METTL23: variants seen among roughly 807,000 people sequenced by gnomAD.
METTL23 encodes the protein methyltransferase 23, arginine, also known as histone-arginine methyltransferase METTL23.
In METTL23, 24 loss-of-function variants were observed where a neutral mutation model predicts 21.2. That is an observed-to-expected ratio of 1.13 (90% CI 0.82 to 1.59). The LOEUF (loss-of-function observed/expected upper bound fraction) is 1.59. METTL23 is among the 40% of genes most tolerant of loss of function. METTL23 has a pLI of 0.00. For synonymous variants in METTL23, 97 were observed against 75.2 expected (o/e 1.29, Z -1.50); for missense variants, 276 against 221.4 (o/e 1.25, Z -1.57).
Position 76,733,660 on chromosome 17 carries a change from A to G in METTL23, c.547A>G (p.Ile183Val), listed in dbSNP as rs1410635202. 1 of 1,613,538 alleles carries G rather than the reference A, an allele frequency of 6.2e-7. No individual in the cohort carries two copies. Among genetic ancestry groups the G allele is most frequent in the Non-Finnish European group, 8.5e-7 (1 of 1,179,796 alleles). Residue 183 changes from isoleucine to valine, a missense_variant, in exon 5 of 5, where the codon ATT (isoleucine) becomes GTT (valine). By Grantham distance (29) the Ile-to-Val change is conservative. Coordinates refer to ENST00000341249, the MANE Select transcript of METTL23 (RefSeq NM_001080510.5). ...PGRHTVEMLV[I>V]SFAKDSL is the part of the protein sequence containing the mutation. ...AAGACATACAGTTGAAATGCTGGTC[A>G]TTTCCTTTGCAAAGGACAGTCTCTG...
rs146410056 is a variant in METTL23 at position 76,732,373 on chromosome 17, C to T, written c.85-605C>T. ...AAAATTAGCTGGGCTTGGTGGTGCA[C>T]GCCTGTAATCCCAGCTACTTGGGAG... On this transcript the variant is annotated intron_variant, in intron 2 of 4. Coordinates refer to ENST00000341249, the MANE Select transcript of METTL23 (RefSeq NM_001080510.5). 9.3e-3 allele frequency among the ~76,000 whole-genome samples: 1,419 copies of T among 151,954 alleles called. 20 individuals are homozygous for T. Among genetic ancestry groups the T allele is most frequent in the African/African-American group, 0.032 (1,310 of 41,424 alleles).
chr17:76,726,606 T>A, upstream of METTL23: 3 of 1,265,674 alleles, frequency 2.4e-6, no homozygotes, highest in Non-Finnish European at 3.2e-6. Context: ...CCGGCGCCTT[T>A]AAAGTCGCCT....
chr17:76,732,831 TCA>T lies in METTL23; in HGVS notation c.85-146_85-145del, dbSNP rs201763829. On this transcript the variant is annotated intron_variant, in intron 2 of 4. Coordinates refer to ENST00000341249, the MANE Select transcript of METTL23 (RefSeq NM_001080510.5). Reference sequence around the variant, plus strand: ...ACTTTTGTCATGTTTATAGTAATGTTCAGTTACGGTACATTTTATACAAACCC... The same window carrying T: ...ACTTTTGTCATGTTTATAGTAATGTTGTTACGGTACATTTTATACAAACCC... The T allele has an allele frequency of 4.8e-4, 318 of 664,612 alleles. 2 individuals carry two copies. Among genetic ancestry groups the T allele is most frequent in the African/African-American group, 4.5e-3 (250 of 55,288 alleles). 41.2% of individuals were successfully genotyped at this position (664,612 alleles called of 1,614,324 possible). A position where few individuals can be genotyped will look rare whatever the true frequency, so the allele number is the denominator to read the frequency against.
Position 76,726,859 on chromosome 17 carries a change from C to T in METTL23, c.-341C>T, listed in dbSNP as rs574736876. On this transcript the variant is annotated 5_prime_UTR_variant, in exon 1 of 5. Transcript: ENST00000341249. ...CCATCACTTCCGGTCGCGCCAGCCG[C>T]CCGTTGCCAGTTCTGCGCGTGTGAG... 811 of 441,398 alleles carry T rather than the reference C, an allele frequency of 1.8e-3. 1 individual carries two copies. Among genetic ancestry groups the T allele is most frequent in the Non-Finnish European group, 2.6e-3 (555 of 214,208 alleles). 27.3% of individuals were successfully genotyped at this position (441,398 alleles called of 1,614,324 possible). A position where few individuals can be genotyped will look rare whatever the true frequency, so the allele number is the denominator to read the frequency against.
chr17:76,733,267 T>C (rs769115150), intron 3 of METTL23, 26 bp from the exon 4 acceptor site: 1 of 1,612,720 alleles, frequency 6.2e-7, no homozygotes, highest in Admixed American at 1.7e-5. Context: ...TATATGAAAA[T>C]CTATTCATAA....
intron 2 of METTL23, among the ~76,000 whole-genome samples, chr17:76,731,569 TTC>T (rs1220432571): frequency 2.0e-5 from 3 of 152,354 alleles, no homozygotes; most frequent in Admixed American, 6.5e-5. Flanking sequence ...GTGTAGCCCT[TTC>T]TGTTTTTGGA....
intron 1 of METTL23, chr17:76,727,442 C>T (rs1044942984): frequency 4.6e-6 from 1 of 217,536 alleles, no homozygotes; most frequent in Non-Finnish European, 9.6e-6. Context: ...TTAAGTGATC[C>T]TCCTGCCTCG....
chr17:76,730,211 C>A (rs1436818641), intron 2 of METTL23, among the ~76,000 whole-genome samples: 6 of 151,880 alleles, frequency 4.0e-5, no homozygotes, highest in African/African-American at 1.5e-4. Context: ...ATTGCTTGAA[C>A]CCTGGAGGCG....
In METTL23 at chr17:76,733,837, CTT is replaced by C. The variant is rs1008330604; in HGVS notation, c.*152_*153del. On this transcript the variant is annotated 3_prime_UTR_variant, in exon 5 of 5. Coordinates refer to ENST00000341249, the MANE Select transcript of METTL23 (RefSeq NM_001080510.5). ...AGATTTTGATGTCACCTAGACAACACTTAAACTCATATGAAACAAAAATTAAA... is the reference window on the plus strand; with the variant it reads ...AGATTTTGATGTCACCTAGACAACACAAACTCATATGAAACAAAAATTAAA... 1.8e-6 allele frequency: 1 copy of C among 560,944 alleles called. No individual in the cohort carries two copies. The highest frequency in any genetic ancestry group is 3.7e-5 in the Admixed American group (1 of 27,340). The allele number at this position is 560,944 out of a possible 1,614,324, so 34.7% of individuals were successfully genotyped here.
In METTL23 at chr17:76,733,232, C is replaced by T. The variant is rs746038904; in HGVS notation, c.322+17C>T. ...AACCAGAAGGTAAGCTTTTTTGGCT[C>T]AATAGTACATTTGGCCAGTGATGCT... is the stretch of plus-strand genomic sequence containing the variant. On this transcript the variant is annotated intron_variant, in intron 3 of 4. Transcript: ENST00000341249. 11 of 1,611,974 alleles carry T rather than the reference C, an allele frequency of 6.8e-6. No homozygotes were observed. In the Admixed American group the frequency reaches 1.7e-4, roughly 24 times the overall value.
rs773066926 is a variant in METTL23, at chr17:76,733,354, G to A, written c.384G>A (p.Leu128=). The part of the protein sequence containing the change: ...FLMHKNPKVQ[L]WSTYQVRSAD... ...TGCACAAGAATCCCAAGGTCCAATT[G>A]TGGTCTACTTATCAAGTTAGGAGGC... The change falls in exon 4 of 5, where the codon TTG becomes TTA. Residue 128 remains leucine (L), a synonymous_variant. Transcript: ENST00000341249. The A allele has an allele frequency of 6.2e-7, 1 of 1,613,804 alleles. No individual in the cohort carries two copies. Among genetic ancestry groups the A allele is most frequent in the South Asian group, 1.1e-5 (1 of 91,080 alleles).
At chr17:76,726,363 C>A (rs770304859), upstream of METTL23, 21 of 1,593,224 alleles carry the variant, frequency 1.3e-5, no homozygotes, top group Non-Finnish European at 1.7e-5. Context: ...GGCCGCCGGG[C>A]TCAGCGAGAA....
In METTL23 at chr17:76,733,727, T is replaced by G. The variant is rs1273724081; in HGVS notation, c.*41T>G. 8 of 1,555,168 alleles carry G rather than the reference T, an allele frequency of 5.1e-6. No individual in the cohort carries two copies. Among genetic ancestry groups the G allele is most frequent in the Non-Finnish European group, 6.1e-6 (7 of 1,146,718 alleles). ...TGTTCTGGGACAGTATCAATACTGATGAGCAACCTGGCACACAAACTATGA... is the reference window on the plus strand; with the variant it reads ...TGTTCTGGGACAGTATCAATACTGAGGAGCAACCTGGCACACAAACTATGA... On this transcript the variant is annotated 3_prime_UTR_variant, in exon 5 of 5. Coordinates refer to ENST00000341249, the MANE Select transcript of METTL23 (RefSeq NM_001080510.5).
Position 76,733,161 on chromosome 17 carries a change from G to A in METTL23, c.268G>A (p.Ala90Thr), listed in dbSNP as rs778990590. Reference sequence around the variant, plus strand: ...GGGTCATATATCTTGGGATCTTCTGGCTCTACCACCACAAGATATTATCCT... The same window carrying A: ...GGGTCATATATCTTGGGATCTTCTGACTCTACCACCACAAGATATTATCCT... ...TWGHISWDLL[A>T]LPPQDIILAS... is the part of the protein sequence containing the mutation. The change falls in exon 3 of 5, where the codon GCT (alanine) becomes ACT (threonine). Residue 90 changes from alanine to threonine, a missense_variant. By Grantham distance (58) the Ala-to-Thr change is moderately conservative. Transcript: ENST00000341249. The A allele has an allele frequency of 6.2e-6, 10 of 1,613,886 alleles. No homozygotes were observed. In the South Asian group the frequency reaches 8.8e-5, roughly 14 times the overall value.
At chr17:76,731,809 C>T (rs557972972) in intron 2 of METTL23, among the ~76,000 whole-genome samples, 14 of 152,308 alleles carry the variant, frequency 9.2e-5, no homozygotes, top group Admixed American at 3.3e-4. Context: ...GGATTTGGCA[C>T]ACACCTCTGG....
Position 76,726,851 on chromosome 17 carries a change from G to T in METTL23, c.-349G>T, listed in dbSNP as rs1032066114. On this transcript the variant is annotated 5_prime_UTR_variant, in exon 1 of 5. Coordinates refer to ENST00000341249, the MANE Select transcript of METTL23 (RefSeq NM_001080510.5). ...CGCTGTGCCCATCACTTCCGGTCGCGCCAGCCGCCCGTTGCCAGTTCTGCG... is the reference window on the plus strand; with the variant it reads ...CGCTGTGCCCATCACTTCCGGTCGCTCCAGCCGCCCGTTGCCAGTTCTGCG... The T allele has an allele frequency of 1.2e-5, 5 of 429,562 alleles. No individual in the cohort carries two copies. The highest frequency in any genetic ancestry group is 6.3e-5 in the African/African-American group (3 of 47,898). The allele number at this position is 429,562 out of a possible 1,614,324, so 26.6% of individuals were successfully genotyped here.
chr17:76,732,302 C>T (rs140164768), intron 2 of METTL23, among the ~76,000 whole-genome samples: 1 of 152,110 alleles, frequency 6.6e-6, no homozygotes, highest in African/African-American at 2.4e-5. Context: ...GAGTTCAAGA[C>T]CAGCCTGACC....
At position 76,733,656 on chromosome 17, in the gene METTL23, G is replaced by C; in HGVS notation, c.543G>C (p.Leu181=). 1.9e-6 allele frequency: 3 copies of C among 1,613,458 alleles called. No homozygotes were observed. The highest frequency in any genetic ancestry group is 2.5e-6 in the Non-Finnish European group (3 of 1,179,710). ...CAGGAAGACATACAGTTGAAATGCTGGTCATTTCCTTTGCAAAGGACAGTC... is the reference window on the plus strand; with the variant it reads ...CAGGAAGACATACAGTTGAAATGCTCGTCATTTCCTTTGCAAAGGACAGTC... ...TLPGRHTVEM[L]VISFAKDSL is the part of the protein sequence containing the mutation. Residue 181 remains leucine, a synonymous_variant, in exon 5 of 5, where the codon CTG becomes CTC. Transcript: ENST00000341249.
intron 4 of METTL23, 51 bp downstream of exon 4, chr17:76,733,428 C>T (rs913542237): frequency 3.7e-6 from 6 of 1,600,548 alleles, no homozygotes; most frequent in South Asian, 2.2e-5. Context: ...CCTTACTCTA[C>T]CCTACCCATG....
Sources: allele counts gnomAD v4.1 joint callset (sites outside exome capture counted in the v4.1 genomes callset), GRCh38; gene constraint gnomAD v4.1.1; transcripts MANE v1.5; gene names NCBI Gene and HGNC (gene_info 2026-07-23, HGNC 2026-07-21).